The following ATRNL1 variants were observed in gnomAD, a reference collection of about 807,000 sequenced individuals.
ATRNL1 encodes the protein attractin-like protein 1.
A neutral mutation model predicts 182.7 loss-of-function variants in ATRNL1; 95 were observed. The ratio of observed to expected loss-of-function variants is 0.52; its 90% CI spans 0.44 to 0.62. ATRNL1 has a LOEUF of 0.62. Ranked by LOEUF, ATRNL1 falls within the 20% of genes least tolerant of loss-of-function variation. The pLI is 0.00. For missense variants in ATRNL1, 1,471 were observed against 1,679.5 expected, an observed-to-expected ratio of 0.88 and a Z score of 2.17; for synonymous variants, 576 against 568.3, an observed-to-expected ratio of 1.01 and a Z score of -0.19.
At chr10:115,286,469 G>T (rs1296818558) in intron 15 of ATRNL1, 72 bp downstream of exon 15, 15 of 997,328 alleles carry the variant, frequency 1.5e-5, no homozygotes, top group East Asian at 1.1e-4. Context: ...ATTTTTTTTT[G>T]GTTTTAATAC....
chr10:115,429,273 A>G (rs150127401), intron 21 of ATRNL1, among the ~76,000 whole-genome samples: 1 of 152,240 alleles, frequency 6.6e-6, no homozygotes, highest in African/African-American at 2.4e-5. Flanking sequence ...ATATTCATTA[A>G]CTTTGGTGAA....
intron 26 of ATRNL1, among the ~76,000 whole-genome samples, chr10:115,615,446 T>C (rs1301091312): frequency 3.9e-5 from 6 of 152,118 alleles, no homozygotes; most frequent in African/African-American, 1.4e-4. Flanking sequence ...ATATATAATA[T>C]CATTCTTTTC....
chr10:115,874,631 G>T (rs1456624538), intron 28 of ATRNL1, among the ~76,000 whole-genome samples: 1 of 152,170 alleles, frequency 6.6e-6, no homozygotes, highest in Non-Finnish European at 1.5e-5. Context: ...AGATAAAAAT[G>T]TAGGTGAGAG....
rs2134167213 is a variant in ATRNL1 at position 115,771,490 on chromosome 10, A to G, written c.3903+44135A>G. Among the ~76,000 whole-genome samples the G allele has an allele frequency of 1.3e-5, 2 of 152,264 alleles. 1 individual carries two copies. Among genetic ancestry groups the G allele is most frequent in the Admixed American group, 1.3e-4 (2 of 15,296 alleles). On this transcript the variant is annotated intron_variant, in intron 27 of 28. Coordinates refer to ENST00000355044, the MANE Select transcript of ATRNL1 (RefSeq NM_207303.4). ...CGTGATCCGCCCGCCTAGGCCTCCC[A>G]AAGTGCTGGGATTACAGGCGTGAGC...
chr10:115,555,486 A>G (rs1245352313), intron 26 of ATRNL1, among the ~76,000 whole-genome samples: 1 of 151,896 alleles, frequency 6.6e-6, no homozygotes, highest in Non-Finnish European at 1.5e-5. Flanking sequence ...GTGTTCTTAC[A>G]GTGGGATATT....
intron 19 of ATRNL1, among the ~76,000 whole-genome samples, chr10:115,360,480 C>CT (rs1475616377): frequency 3.3e-5 from 5 of 151,566 alleles, no homozygotes; most frequent in African/African-American, 1.2e-4. Flanking sequence ...TTCTTAAAAA[C>CT]TAGGAATTCT....
In ATRNL1 at chr10:115,905,424, C is replaced by T. The variant is rs547867963; in HGVS notation, c.4019-39234C>T. Among the ~76,000 whole-genome samples the T allele has an allele frequency of 2.5e-3, 378 of 150,014 alleles. 3 individuals carry two copies. The highest frequency in any genetic ancestry group is 4.1e-4 in the Non-Finnish European group (28 of 67,708). On this transcript the variant is annotated intron_variant, in intron 28 of 28. Transcript: ENST00000355044. ...TTTTTAAGTTTTGTAGAGGCAGGGT[C>T]TTCCTATGTTGCCCAGGTTGGTCTT... is the stretch of plus-strand genomic sequence containing the variant.
intron 28 of ATRNL1, among the ~76,000 whole-genome samples, chr10:115,894,774 A>T (rs1952165600): frequency 6.6e-6 from 1 of 152,196 alleles, no homozygotes; most frequent in Admixed American, 6.5e-5. Context: ...TTCTGTTTGT[A>T]CAAAGGCAAC....
chr10:115,567,281 G>A (rs1232167969), intron 26 of ATRNL1, among the ~76,000 whole-genome samples: 2 of 152,078 alleles, frequency 1.3e-5, no homozygotes, highest in South Asian at 2.1e-4. Context: ...TAAAGATAAT[G>A]CTTTTTTAGA....
intron 20 of ATRNL1, among the ~76,000 whole-genome samples, chr10:115,422,856 A>G (rs943552205): frequency 3.3e-5 from 5 of 152,202 alleles, no homozygotes; most frequent in African/African-American, 1.2e-4. Context: ...AACAGACACC[A>G]GAACCTACTG....
intron 21 of ATRNL1, among the ~76,000 whole-genome samples, chr10:115,437,096 T>C (rs1438965982): frequency 6.6e-6 from 1 of 151,762 alleles, no homozygotes; most frequent in African/African-American, 2.4e-5. Context: ...TAAGATGTGA[T>C]AGTGTGAGGG....
chr10:115,919,366 A>G (rs1162470746), intron 28 of ATRNL1, among the ~76,000 whole-genome samples: 2 of 152,228 alleles, frequency 1.3e-5, no homozygotes, highest in East Asian at 3.9e-4. Context: ...GAGGAAGTGC[A>G]GCAGAATGGA....
At chr10:115,492,922 C>T (rs939518954) in intron 24 of ATRNL1, among the ~76,000 whole-genome samples, 5 of 152,024 alleles carry the variant, frequency 3.3e-5, no homozygotes, top group Non-Finnish European at 7.4e-5. Context: ...GGATTACAGG[C>T]GTGAGTCACC....
chr10:115,699,671 T>G (rs189703083), intron 26 of ATRNL1, among the ~76,000 whole-genome samples: 5 of 152,328 alleles, frequency 3.3e-5, no homozygotes, highest in African/African-American at 9.6e-5. Context: ...ATTTATTTAT[T>G]TATCATTTAT....
chr10:115,589,314 A>T (rs1855764594), intron 26 of ATRNL1, among the ~76,000 whole-genome samples: 1 of 152,180 alleles, frequency 6.6e-6, no homozygotes, highest in Non-Finnish European at 1.5e-5. Flanking sequence ...CTTAAAATTA[A>T]TTACTCTTTG....
intron 5 of ATRNL1, among the ~76,000 whole-genome samples, chr10:115,148,696 CAG>C (rs1230366707): frequency 6.7e-6 from 1 of 149,674 alleles, no homozygotes; most frequent in Non-Finnish European, 1.5e-5. Context: ...CTCCCCTGTG[CAG>C]AGAGAGTGGT....
At chr10:115,854,790 C>T (rs753411969) in intron 28 of ATRNL1, among the ~76,000 whole-genome samples, 3 of 152,136 alleles carry the variant, frequency 2.0e-5, no homozygotes, top group South Asian at 2.1e-4. Context: ...TCTCAGTAAT[C>T]GTGAAGTTCT....
At chr10:115,521,897 T>G (rs1357973466) in intron 25 of ATRNL1, among the ~76,000 whole-genome samples, 1 of 152,216 alleles carries the variant, frequency 6.6e-6, no homozygotes, top group African/African-American at 2.4e-5. Context: ...TAGGAGATTT[T>G]AAAACAGGTT....
intron 26 of ATRNL1, among the ~76,000 whole-genome samples, chr10:115,594,112 G>T (rs191750245): frequency 6.6e-6 from 1 of 151,768 alleles, no homozygotes; most frequent in Non-Finnish European, 1.5e-5. Flanking sequence ...CTATACTTTC[G>T]TATACCTATG....
Sources: allele counts gnomAD v4.1 joint callset (sites outside exome capture counted in the v4.1 genomes callset), GRCh38; gene constraint gnomAD v4.1.1; transcripts MANE v1.5; gene names NCBI Gene and HGNC (gene_info 2026-07-23, HGNC 2026-07-21).